Variants in YLPM1 observed in about 807,000 individuals in gnomAD.
The protein encoded by YLPM1 is YLP motif-containing protein 1.
A neutral mutation model predicts 230.0 loss-of-function variants in YLPM1; 99 were observed. The observed-to-expected ratio is 0.43, with a 90% CI of 0.37 to 0.51. YLPM1 has a LOEUF of 0.51. YLPM1 is among the 20% of genes least tolerant of loss of function. The pLI, the probability that YLPM1 is intolerant of heterozygous loss-of-function variation, is 0.00. For synonymous variants in YLPM1, 984 were observed against 942.5 expected, an observed-to-expected ratio of 1.04 and a Z score of -0.81; for missense variants, 2,592 against 2,707.7, an observed-to-expected ratio of 0.96 and a Z score of 0.95.
chr14:74,794,581 C>T (rs1384252904), intron 4 of YLPM1, among the ~76,000 whole-genome samples: 1 of 140,682 alleles, frequency 7.1e-6, no homozygotes, highest in African/African-American at 2.7e-5. Flanking sequence ...TCTCTTTCCC[C>T]AGAAAAGCAC....
chr14:74,797,480 T>C, intron 4 of YLPM1, 100 bp from the exon 5 acceptor site: 1 of 1,034,650 alleles, frequency 9.7e-7, no homozygotes, highest in East Asian at 2.7e-5. Context: ...GTCATTGTTG[T>C]AAACAAATTC....
chr14:74,790,864 A>G (rs1019105225), intron 4 of YLPM1, among the ~76,000 whole-genome samples: 4 of 152,190 alleles, frequency 2.6e-5, no homozygotes, highest in South Asian at 2.1e-4. Flanking sequence ...ATTTGTTACA[A>G]AGCCTTAAAA....
At chr14:74,820,929 T>C (rs1487744711) in intron 16 of YLPM1, 128 bp from the exon 17 acceptor site, 1 of 1,043,252 alleles carries the variant, frequency 9.6e-7, no homozygotes, top group Non-Finnish European at 1.3e-6. Context: ...TGTTAAAAAT[T>C]ACTTGGTATG....
chr14:74,785,182 T>C (rs1253197789), intron 4 of YLPM1, among the ~76,000 whole-genome samples: 1 of 152,204 alleles, frequency 6.6e-6, no homozygotes, highest in Non-Finnish European at 1.5e-5. Flanking sequence ...CTTGTTCCTT[T>C]TTCTAAGACT....
chr14:74,804,708 T>C (rs1197877706), intron 6 of YLPM1, among the ~76,000 whole-genome samples: 1 of 152,228 alleles, frequency 6.6e-6, no homozygotes, highest in Non-Finnish European at 1.5e-5. Context: ...TTATGTTGCA[T>C]TTTGAGTGTC....
Position 74,802,654 on chromosome 14 carries a change from C to G in YLPM1, c.4499C>G (p.Ser1500Cys). The change falls in exon 6 of 21, where the codon TCT becomes TGT. Residue 1500 changes from serine (S) to cysteine (C), a missense_variant. By Grantham distance (112) the Ser-to-Cys change is moderately radical (BLOSUM62 -1). Around this residue, in one of 4 missense-constraint regions of YLPM1, gnomAD observed 403 missense variants for 426.7 expected, o/e 0.94. Transcript: ENST00000325680. The part of the protein sequence containing the change: ...PPQESRLQNT[S>C]SRPGMYPPPG... Reference sequence around the variant, plus strand: ...CAGGAATCAAGATTGCAGAATACATCTTCAAGACCTGGAATGTATCCGGTA... The same window carrying G: ...CAGGAATCAAGATTGCAGAATACATGTTCAAGACCTGGAATGTATCCGGTA... 6.2e-7 allele frequency: 1 copy of G among 1,612,398 alleles called. No homozygotes were observed. The highest frequency in any genetic ancestry group is 8.5e-7 in the Non-Finnish European group (1 of 1,179,194).
chr14:74,768,992 A>G (rs906569185), intron 1 of YLPM1, among the ~76,000 whole-genome samples: 1 of 152,008 alleles, frequency 6.6e-6, no homozygotes, highest in Non-Finnish European at 1.5e-5. Flanking sequence ...ATAATTGAAT[A>G]TAGCTGGGAG....
At chr14:74,807,624 G>A (rs944594927) in intron 6 of YLPM1, among the ~76,000 whole-genome samples, 3 of 152,244 alleles carry the variant, frequency 2.0e-5, no homozygotes, top group African/African-American at 7.2e-5. Flanking sequence ...AGACATTTCT[G>A]ATGGTAACTG....
chr14:74,786,431 C>G (rs1322135711), intron 4 of YLPM1, among the ~76,000 whole-genome samples: 2 of 151,482 alleles, frequency 1.3e-5, no homozygotes, highest in African/African-American at 4.9e-5. Flanking sequence ...TTACTGGTGC[C>G]CAAGAAATCT....
At position 74,802,552 on chromosome 14, in the gene YLPM1, G is replaced by T. The variant is rs749224029; in HGVS notation, c.4401-4G>T. 1.1e-5 allele frequency: 17 copies of T among 1,609,568 alleles called. 2 individuals carry two copies. The highest frequency in any genetic ancestry group is 6.7e-5 in the African/African-American group (5 of 74,592). ...TGTACTATGTCAATTTTATTTGTTTGCAGGGAACAGAAAGAACAGCTTCAA... is the reference window on the plus strand; with the variant it reads ...TGTACTATGTCAATTTTATTTGTTTTCAGGGAACAGAAAGAACAGCTTCAA... On this transcript the variant is annotated splice_region_variant and splice_polypyrimidine_tract_variant and intron_variant, in intron 5 of 20. Transcript: ENST00000325680.
chr14:74,771,261 C>A (rs2090973556), intron 1 of YLPM1, among the ~76,000 whole-genome samples: 1 of 152,054 alleles, frequency 6.6e-6, no homozygotes, highest in African/African-American at 2.4e-5. Flanking sequence ...GATGTAAGAT[C>A]TGGGAGACAT....
rs1010799819 is a variant in YLPM1 at position 74,798,162 on chromosome 14, A to G, written c.2865A>G (p.Gln955=). Residue 955 remains glutamine, a synonymous_variant, in exon 5 of 21, where the codon CAA becomes CAG. Transcript: ENST00000325680. ...TTGCGAATAAGCCTGTACCTGCTCA[A>G]TCTACTTTTCCTTCAAAAACAGGGG... The part of the protein sequence containing the change: ...VPLANKPVPA[Q]STFPSKTGGM... The G allele has an allele frequency of 6.2e-7, 1 of 1,614,002 alleles. No individual in the cohort carries two copies. Among genetic ancestry groups the G allele is most frequent in the Non-Finnish European group, 8.5e-7 (1 of 1,179,886 alleles).
At chr14:74,764,858 G>A (rs1475133687) in intron 1 of YLPM1, among the ~76,000 whole-genome samples, 2 of 152,114 alleles carry the variant, frequency 1.3e-5, no homozygotes, top group African/African-American at 4.8e-5. Context: ...GAATTAAGAG[G>A]TTTCAGAAAA....
chr14:74,785,655 C>CT (rs200629286), intron 4 of YLPM1, among the ~76,000 whole-genome samples: 1,742 of 152,236 alleles, frequency 0.011, 33 homozygotes, highest in African/African-American at 0.039. Context: ...TGAGAAGCCA[C>CT]TTTTTTTAAA....
chr14:74,787,781 T>C (rs2091163986), intron 4 of YLPM1, among the ~76,000 whole-genome samples: 1 of 151,064 alleles, frequency 6.6e-6, no homozygotes, highest in African/African-American at 2.4e-5. Flanking sequence ...TTGGGAGGCC[T>C]AGGCGAGCGG....
intron 4 of YLPM1, among the ~76,000 whole-genome samples, chr14:74,792,279 T>G (rs1182933128): frequency 6.6e-6 from 1 of 152,182 alleles, no homozygotes; most frequent in Non-Finnish European, 1.5e-5. Flanking sequence ...TAGTGCTGCT[T>G]TCTCAATCTT....
chr14:74,768,369 C>T (rs1318423994), intron 1 of YLPM1, among the ~76,000 whole-genome samples: 1 of 152,070 alleles, frequency 6.6e-6, no homozygotes, highest in Admixed American at 6.6e-5. Flanking sequence ...GCCCTAGCCT[C>T]CCAAGTATAT....
chr14:74,821,049 T>C lies in YLPM1; in HGVS notation c.6031-8T>C. On this transcript the variant is annotated splice_region_variant and splice_polypyrimidine_tract_variant and intron_variant, in intron 16 of 20. Coordinates refer to ENST00000325680, the MANE Select transcript of YLPM1 (RefSeq NM_019589.3). Reference sequence around the variant, plus strand: ...AGTCTTTTTTTTTTTTTTTAATGGTTGGTATAGGTAGAGATGGAAGATTTT... The same window carrying C: ...AGTCTTTTTTTTTTTTTTTAATGGTCGGTATAGGTAGAGATGGAAGATTTT... 1 of 1,457,042 alleles carries C rather than the reference T, an allele frequency of 6.9e-7. No individual in the cohort carries two copies. 90.3% of individuals were successfully genotyped at this position (1,457,042 alleles called of 1,614,324 possible).
chr14:74,794,207 A>G (rs187629772), intron 4 of YLPM1, among the ~76,000 whole-genome samples: 2 of 151,732 alleles, frequency 1.3e-5, no homozygotes, highest in Admixed American at 6.6e-5. Flanking sequence ...TTTTGAGACA[A>G]AGTCTCACTT....
Sources: allele counts gnomAD v4.1 joint callset (sites outside exome capture counted in the v4.1 genomes callset), GRCh38; gene constraint gnomAD v4.1.1; regional missense constraint gnomAD v4.1.1; transcripts MANE v1.5; gene names NCBI Gene and HGNC (gene_info 2026-07-23, HGNC 2026-07-21).